Variants in RGS9 observed in about 807,000 individuals in gnomAD.
The protein encoded by RGS9 is regulator of G protein signaling 9, also known as regulator of G-protein signalling 9.
In RGS9, 78 loss-of-function variants were observed where a neutral mutation model predicts 102.0. That is an observed-to-expected ratio of 0.76 (90% CI 0.64 to 0.92). The LOEUF (loss-of-function observed/expected upper bound fraction) is 0.92, where lower values mean the gene tolerates loss of function less well. RGS9 is among the 40% of genes least tolerant of loss of function. The probability of loss-of-function intolerance (pLI) is 0.00; values close to 1 mark genes in which losing one functional copy is unlikely to be tolerated. For missense variants in RGS9, 833 were observed against 866.1 expected (o/e 0.96, Z 0.48); for synonymous variants, 353 against 318.6 (o/e 1.11, Z -1.15).
At chr17:65,218,706 C>G (rs1003000347) in intron 17 of RGS9, among the ~76,000 whole-genome samples, 2 of 152,230 alleles carry the variant, frequency 1.3e-5, no homozygotes, top group African/African-American at 4.8e-5. Context: ...CTTGCTCACT[C>G]TCTTGCTTCT....
intron 17 of RGS9, among the ~76,000 whole-genome samples, chr17:65,217,088 G>A (rs191735775): frequency 4.3e-4 from 65 of 152,134 alleles, no homozygotes; most frequent in African/African-American, 1.5e-3. Flanking sequence ...CTGTTAGGAC[G>A]CCTCCCTGAG....
At chr17:65,217,542 T>A (rs1913560687) in intron 17 of RGS9, among the ~76,000 whole-genome samples, 1 of 152,142 alleles carries the variant, frequency 6.6e-6, no homozygotes, top group Non-Finnish European at 1.5e-5. Flanking sequence ...TTTGTGGGAA[T>A]AAAGGAGAAG....
At chr17:65,180,111 GC>G (rs1387718221) in intron 9 of RGS9, 2 of 152,302 alleles carry the variant, frequency 1.3e-5, no homozygotes, top group Non-Finnish European at 2.9e-5. Context: ...CCCTCAGGCA[GC>G]CCCAGCATGC....
chr17:65,179,530 G>A (rs1024790869), intron 9 of RGS9, among the ~76,000 whole-genome samples: 2 of 152,038 alleles, frequency 1.3e-5, no homozygotes, highest in African/African-American at 4.8e-5. Context: ...CTCTTTCCTG[G>A]GGAGGAGAGA....
At chr17:65,201,862 C>T (rs545720576) in intron 13 of RGS9, 131 bp from the exon 14 acceptor site, 39 of 689,826 alleles carry the variant, frequency 5.7e-5, no homozygotes, top group African/African-American at 1.8e-4. Context: ...GCTTGTTCTG[C>T]GGCAGGAAAG....
chr17:65,210,753 G>A (rs1214947322), intron 17 of RGS9, 148 bp downstream of exon 17: 11 of 1,371,020 alleles, frequency 8.0e-6, no homozygotes, highest in Admixed American at 2.1e-5. Flanking sequence ...TTCCCCATTT[G>A]TGGAGGTCAT....
chr17:65,202,479 GAGA>G (rs1442827096), intron 14 of RGS9, among the ~76,000 whole-genome samples: 6 of 149,682 alleles, frequency 4.0e-5, no homozygotes, highest in Admixed American at 2.7e-4. Context: ...GAGAGAGAGA[GAGA>G]AGAAGCAGCA....
chr17:65,213,298 A>G (rs1391201487), intron 17 of RGS9, among the ~76,000 whole-genome samples: 3 of 152,230 alleles, frequency 2.0e-5, no homozygotes, highest in Admixed American at 6.5e-5. Context: ...TTAAAGATAC[A>G]ATTTGAGACA....
At chr17:65,164,095 G>A (rs1911085962) in intron 7 of RGS9, among the ~76,000 whole-genome samples, 2 of 152,292 alleles carry the variant, frequency 1.3e-5, no homozygotes, top group South Asian at 4.1e-4. Flanking sequence ...GGAGTGGTAG[G>A]GAGAGGGTGT....
chr17:65,188,373 C>T (rs1912216988), intron 9 of RGS9, among the ~76,000 whole-genome samples: 1 of 152,184 alleles, frequency 6.6e-6, no homozygotes, highest in Non-Finnish European at 1.5e-5. Flanking sequence ...GGGATGGGGC[C>T]TGATTCCACA....
intron 6 of RGS9, among the ~76,000 whole-genome samples, chr17:65,162,406 A>AT (rs1382743604): frequency 1.3e-5 from 2 of 152,118 alleles, no homozygotes; most frequent in African/African-American, 4.8e-5. Flanking sequence ...TTTTCAAATT[A>AT]TTTTTAATCT....
At chr17:65,204,412 T>C in intron 15 of RGS9, 111 bp downstream of exon 15, 1 of 1,346,874 alleles carries the variant, frequency 7.4e-7, no homozygotes, top group Non-Finnish European at 1.0e-6. Context: ...GATAGAGCTT[T>C]GCCGGTTGTG....
chr17:65,227,413 G>A lies in RGS9; in HGVS notation c.*6G>A, dbSNP rs748722121. 5.0e-6 allele frequency: 8 copies of A among 1,611,458 alleles called. No homozygotes were observed. Among genetic ancestry groups the A allele is most frequent in the South Asian group, 2.2e-5 (2 of 90,762 alleles). On this transcript the variant is annotated 3_prime_UTR_variant, in exon 19 of 19. Coordinates refer to ENST00000262406, the MANE Select transcript of RGS9 (RefSeq NM_003835.4). ...GCCCCTGGGAGAGCCTGTAAGGAAA[G>A]AGGCAGGCTGAGCTGGGGGCTCTGG...
chr17:65,158,379 C>T, intron 3 of RGS9, 34 bp downstream of exon 3: 1 of 1,598,914 alleles, frequency 6.3e-7, no homozygotes, highest in Admixed American at 1.7e-5. Flanking sequence ...TTATCCGGGA[C>T]AGCTTTGTGT....
At chr17:65,139,736 C>A (rs1427962403) in intron 1 of RGS9, among the ~76,000 whole-genome samples, 2 of 152,212 alleles carry the variant, frequency 1.3e-5, no homozygotes, top group East Asian at 1.9e-4. Context: ...CCTTGCCACA[C>A]CTCCAGCATT....
chr17:65,202,972 G>GC, intron 14 of RGS9, among the ~76,000 whole-genome samples: 1 of 152,312 alleles, frequency 6.6e-6, no homozygotes, highest in Non-Finnish European at 1.5e-5. Context: ...TAGCCGTGTT[G>GC]CCCAAAGCCC....
At chr17:65,139,534 ACTTC>A (rs1178945330) in intron 1 of RGS9, among the ~76,000 whole-genome samples, 3 of 133,406 alleles carry the variant, frequency 2.2e-5, no homozygotes, top group East Asian at 4.1e-4. Flanking sequence ...TGCCTCAAAC[ACTTC>A]CTTCCTTTTT....
chr17:65,170,048 CTTTTTTTT>C (rs993959757), intron 8 of RGS9, among the ~76,000 whole-genome samples: 3 of 122,128 alleles, frequency 2.5e-5, no homozygotes, highest in Non-Finnish European at 5.1e-5. Flanking sequence ...CTTCTGCATT[CTTTTTTTT>C]TTTTTTTTTT....
intron 17 of RGS9, among the ~76,000 whole-genome samples, chr17:65,211,743 G>A (rs145614326): frequency 1.1e-4 from 16 of 152,356 alleles, no homozygotes; most frequent in African/African-American, 3.1e-4. Flanking sequence ...CACTCATTCA[G>A]CACGTCTATT....
Sources: allele counts gnomAD v4.1 joint callset (sites outside exome capture counted in the v4.1 genomes callset), GRCh38; gene constraint gnomAD v4.1.1; transcripts MANE v1.5; gene names NCBI Gene and HGNC (gene_info 2026-07-23, HGNC 2026-07-21).